The following SLC44A5 variants were observed in gnomAD, a reference collection of about 807,000 sequenced individuals.
SLC44A5 encodes solute carrier family 44 member 5.
A neutral mutation model predicts 101.8 loss-of-function variants in SLC44A5; 57 were observed. That is an observed-to-expected ratio of 0.56 (90% CI 0.45 to 0.70). The LOEUF is 0.70. Among genes scored for constraint, SLC44A5 ranks in the 30% least tolerant of loss-of-function variants. SLC44A5 has a pLI of 0.00. For missense variants in SLC44A5, 737 were observed against 853.1 expected, an observed-to-expected ratio of 0.86 and a Z score of 1.70; for synonymous variants, 281 against 290.9, an observed-to-expected ratio of 0.97 and a Z score of 0.35.
the SLC44A5 span, among the ~76,000 whole-genome samples, chr1:75,679,533 A>C: frequency 6.6e-6 from 1 of 151,890 alleles, no homozygotes; most frequent in South Asian, 2.1e-4. Flanking sequence ...GTGAAGGAGA[A>C]ATAAAATACT....
intron 11 of SLC44A5, among the ~76,000 whole-genome samples, chr1:75,235,684 A>G (rs1648012243): frequency 6.6e-6 from 1 of 152,052 alleles, no homozygotes; most frequent in African/African-American, 2.4e-5. Flanking sequence ...ATCTCACACA[A>G]AATACAACTT....
At position 75,213,934 on chromosome 1, in the gene SLC44A5, C is replaced by A; in HGVS notation, c.1858G>T (p.Val620Phe). 1 of 1,594,062 alleles carries A rather than the reference C, an allele frequency of 6.3e-7. No individual in the cohort carries two copies. The highest frequency in any genetic ancestry group is 8.6e-7 in the Non-Finnish European group (1 of 1,168,198). Reference sequence around the variant, plus strand: ...GATTACTTACCTATACTTCCAGCAACTAGAAGTTTCCCCAGGAATAATACA... The same window carrying A: ...GATTACTTACCTATACTTCCAGCAAATAGAAGTTTCCCCAGGAATAATACA... The part of the protein sequence containing the change: ...YFVLFLGKLL[V>F]AGSIGVLAFL... Residue 620 changes from valine to phenylalanine, a missense_variant, in exon 21 of 24, where the codon GTT (valine) becomes TTT (phenylalanine). By Grantham distance (50) the Val-to-Phe change is conservative. Coordinates refer to ENST00000370859, the MANE Select transcript of SLC44A5 (RefSeq NM_001130058.2).
chr1:75,432,182 T>A (rs903454202), intron 2 of SLC44A5, among the ~76,000 whole-genome samples: 19 of 152,182 alleles, frequency 1.2e-4, no homozygotes, highest in African/African-American at 4.3e-4. Flanking sequence ...GGCTGCCTGG[T>A]GAACCTTCCT....
intron 20 of SLC44A5, 42 bp from the exon 21 acceptor site, chr1:75,214,031 A>G (rs1400682681): frequency 1.6e-6 from 2 of 1,257,616 alleles, no homozygotes; most frequent in East Asian, 4.7e-5. Flanking sequence ...TGTGTTTAAA[A>G]TATACTTGGT....
Position 75,202,542 on chromosome 1 carries a change from T to A in SLC44A5, c.*1185A>T, listed in dbSNP as rs1557513779. On this transcript the variant is annotated 3_prime_UTR_variant, in exon 24 of 24. Transcript: ENST00000370859. ...ACTGGTAAAATTATTTAAAACTGAA[T>A]TGGAAATTATGTTCCTGTTTATAGT... is the stretch of plus-strand genomic sequence containing the variant. The A allele has an allele frequency of 6.6e-6, 1 of 152,144 alleles. No homozygotes were observed. Among genetic ancestry groups the A allele is most frequent in the Non-Finnish European group, 1.5e-5 (1 of 68,004 alleles). 9.4% of individuals were successfully genotyped at this position (152,144 alleles called of 1,614,324 possible). A position where few individuals can be genotyped will look rare whatever the true frequency, so the allele number is the denominator to read the frequency against.
At chr1:75,448,336 G>C (rs967734583) in intron 2 of SLC44A5, among the ~76,000 whole-genome samples, 9 of 152,142 alleles carry the variant, frequency 5.9e-5, no homozygotes, top group Non-Finnish European at 1.3e-4. Context: ...CCATGGGAAG[G>C]CACTTAGAGT....
chr1:75,317,538 A>C (rs1377381129), intron 4 of SLC44A5, among the ~76,000 whole-genome samples: 3 of 152,196 alleles, frequency 2.0e-5, no homozygotes, highest in Non-Finnish European at 4.4e-5. Flanking sequence ...CTTAAGAAAG[A>C]TACACAATTT....
At chr1:75,276,485 C>T (rs558441614) in intron 5 of SLC44A5, among the ~76,000 whole-genome samples, 1 of 152,154 alleles carries the variant, frequency 6.6e-6, no homozygotes, top group East Asian at 1.9e-4. Flanking sequence ...CAGAAATGAG[C>T]ACCCGAAGCA....
upstream of SLC44A5, among the ~76,000 whole-genome samples, chr1:75,613,662 A>G (rs946508757): frequency 1.3e-5 from 2 of 152,244 alleles, no homozygotes; most frequent in African/African-American, 4.8e-5. Context: ...TTATTTTTAA[A>G]GTACTACATA....
At chr1:75,569,443 C>T (rs955469797) in intron 1 of SLC44A5, among the ~76,000 whole-genome samples, 13 of 151,684 alleles carry the variant, frequency 8.6e-5, no homozygotes, top group African/African-American at 2.4e-4. Context: ...GATTTCACCT[C>T]GTTGCCCAGG....
chr1:75,585,689 A>T (rs1673951210), intron 1 of SLC44A5, among the ~76,000 whole-genome samples: 1 of 152,206 alleles, frequency 6.6e-6, no homozygotes, highest in Non-Finnish European at 1.5e-5. Context: ...ATATAAATAT[A>T]TAGATTATAC....
At position 75,290,448 on chromosome 1, in the gene SLC44A5, G is replaced by C. The variant is rs569969946; in HGVS notation, c.175+10164C>G. 5.3e-5 allele frequency among the ~76,000 whole-genome samples: 8 copies of C among 152,310 alleles called. No individual in the cohort carries two copies. The East Asian group carries it at 1.5e-3, about 29-fold the overall frequency. ...ACCCAGAGATTGGCACCAATAGGGA[G>C]CAGTTTCCACCCCTAGGCCTGAAGA... On this transcript the variant is annotated intron_variant, in intron 5 of 23. Transcript: ENST00000370859.
the SLC44A5 span, among the ~76,000 whole-genome samples, chr1:75,666,999 T>C: frequency 2.0e-5 from 3 of 152,192 alleles, no homozygotes; most frequent in African/African-American, 4.8e-5. Flanking sequence ...GGACAAAAGC[T>C]GGAAGCATTC....
the SLC44A5 span, among the ~76,000 whole-genome samples, chr1:75,705,578 T>C: frequency 6.6e-6 from 1 of 152,246 alleles, no homozygotes; most frequent in African/African-American, 2.4e-5. Flanking sequence ...ACTAAATCTA[T>C]AGTTATCCCT....
At chr1:75,225,963 A>C (rs1647186127) in intron 13 of SLC44A5, among the ~76,000 whole-genome samples, 1 of 152,152 alleles carries the variant, frequency 6.6e-6, no homozygotes, top group Non-Finnish European at 1.5e-5. Flanking sequence ...GTAAAACTAG[A>C]AGTTTCAATA....
At chr1:75,347,460 ATG>A (rs1658330125) in intron 3 of SLC44A5, among the ~76,000 whole-genome samples, 1 of 152,190 alleles carries the variant, frequency 6.6e-6, no homozygotes, top group East Asian at 1.9e-4. Context: ...TCTGTATCAC[ATG>A]GATGCTTCTA....
chr1:75,708,273 G>C, the SLC44A5 span, among the ~76,000 whole-genome samples: 2 of 150,998 alleles, frequency 1.3e-5, no homozygotes, highest in African/African-American at 4.9e-5. Flanking sequence ...AAAAAAGCTG[G>C]GCATGTGGCA....
At chr1:75,699,021 A>G in the SLC44A5 span, among the ~76,000 whole-genome samples, 21 of 152,268 alleles carry the variant, frequency 1.4e-4, no homozygotes, top group East Asian at 4.0e-3. Flanking sequence ...CCAAATCTAC[A>G]TCTGATTGGT....
At chr1:75,528,818 A>G (rs1670567264) in intron 2 of SLC44A5, among the ~76,000 whole-genome samples, 1 of 152,094 alleles carries the variant, frequency 6.6e-6, no homozygotes, top group Non-Finnish European at 1.5e-5. Context: ...AAATGTTCTT[A>G]TGGTTTTCCT....
Sources: gnomAD v4.1 joint callset for allele counts (sites outside exome capture counted in the v4.1 genomes callset) on GRCh38, gnomAD v4.1.1 for gene constraint, MANE v1.5 for transcripts, NCBI Gene and HGNC (gene_info 2026-07-23, HGNC 2026-07-21) for gene names.